The following CECR2 variants were observed in gnomAD, a reference collection of about 807,000 sequenced individuals.
CECR2 encodes the protein CECR2 histone acetyl-lysine reader, also known as chromatin remodeling regulator CECR2.
A neutral mutation model predicts 154.5 loss-of-function variants in CECR2; 30 were observed. The ratio of observed to expected loss-of-function variants is 0.19; its 90% CI spans 0.15 to 0.26. The LOEUF is 0.26. CECR2 is among the 10% of genes least tolerant of loss of function. CECR2 has a pLI of 1.00. For missense variants in CECR2, 1,743 were observed against 1,829.3 expected (o/e 0.95, Z 0.86); for synonymous variants, 725 against 683.7 (o/e 1.06, Z -0.94).
intron 2 of CECR2, among the ~76,000 whole-genome samples, chr22:17,494,782 C>T (rs1474229393): frequency 6.6e-6 from 1 of 152,132 alleles, no homozygotes; most frequent in African/African-American, 2.4e-5. Flanking sequence ...GCAAACTCTG[C>T]CTCCCAGGTT....
chr22:17,445,554 T>G (rs2054647040), intron 1 of CECR2, among the ~76,000 whole-genome samples: 2 of 132,808 alleles, frequency 1.5e-5, no homozygotes, highest in South Asian at 2.2e-4. Context: ...TTATTATTAT[T>G]ATTATTATTA....
intron 1 of CECR2, among the ~76,000 whole-genome samples, chr22:17,407,284 A>AGT (rs1383385536): frequency 1.3e-5 from 2 of 152,300 alleles, no homozygotes; most frequent in East Asian, 3.9e-4. Context: ...CTGGTGAATG[A>AGT]GAATACCGTA....
chr22:17,503,094 A>G lies in CECR2; in HGVS notation c.663A>G (p.Glu221=), dbSNP rs2055768404. ...TCCTGTGTTTCAGTGAAAAGCAGGA[A>G]GAAAATTCCTTGGCATCCGAGCCAC... ...QEEILLSEKQ[E]ENSLASEPQT... is the part of the protein sequence containing the mutation. Residue 221 remains glutamate (E), a synonymous_variant, in exon 6 of 19, where the codon GAA becomes GAG. Transcript: ENST00000262608. 1.2e-6 allele frequency: 2 copies of G among 1,611,488 alleles called. No homozygotes were observed. Among genetic ancestry groups the G allele is most frequent in the Admixed American group, 1.7e-5 (1 of 59,618 alleles).
chr22:17,540,619 A>C lies in CECR2; in HGVS notation c.1703A>C (p.Gln568Pro), dbSNP rs1395543657. Reference sequence around the variant, plus strand: ...CCAGAAGGGTCCAGCAGGAAACAGCAGCCCATGGAGAATGGAGGAAAGTCG... The same window carrying C: ...CCAGAAGGGTCCAGCAGGAAACAGCCGCCCATGGAGAATGGAGGAAAGTCG... ...RDPEGSSRKQQPMENGGKSLP... is the reference protein window; with the variant it reads ...RDPEGSSRKQPPMENGGKSLP... The change falls in exon 14 of 19, where the codon CAG becomes CCG. Residue 568 changes from glutamine to proline, a missense_variant. Gln to Pro is a moderately conservative substitution (Grantham distance 76). Coordinates refer to ENST00000262608, the MANE Select transcript of CECR2 (RefSeq NM_001290047.2). 3 of 1,613,758 alleles carry C rather than the reference A, an allele frequency of 1.9e-6. No individual in the cohort carries two copies. The highest frequency in any genetic ancestry group is 2.5e-6 in the Non-Finnish European group (3 of 1,179,852).
intron 1 of CECR2, among the ~76,000 whole-genome samples, chr22:17,449,359 C>G (rs2054729490): frequency 6.6e-6 from 1 of 152,060 alleles, no homozygotes; most frequent in Admixed American, 6.6e-5. Context: ...CCCAGACTCA[C>G]ACACCAGCTG....
intron 1 of CECR2, among the ~76,000 whole-genome samples, chr22:17,446,968 T>C (rs965987984): frequency 6.6e-5 from 10 of 151,720 alleles, no homozygotes; most frequent in African/African-American, 2.2e-4. Flanking sequence ...GTGTTTACAG[T>C]TCTTTAGCTA....
chr22:17,375,604 G>T (rs193020290), intron 1 of CECR2, among the ~76,000 whole-genome samples: 1 of 152,124 alleles, frequency 6.6e-6, no homozygotes, highest in African/African-American at 2.4e-5. Flanking sequence ...GATTGTTGCT[G>T]TTTAAAACAG....
chr22:17,372,183 C>T (rs1422648823), intron 1 of CECR2, among the ~76,000 whole-genome samples: 1 of 152,138 alleles, frequency 6.6e-6, no homozygotes, highest in African/African-American at 2.4e-5. Flanking sequence ...ACTATCCACA[C>T]TCGTTTTTAT....
intron 7 of CECR2, 56 bp from the exon 8 acceptor site, chr22:17,511,754 CAGT>C (rs1181371371): frequency 5.0e-5 from 71 of 1,416,900 alleles, no homozygotes; most frequent in Non-Finnish European, 6.3e-5. Flanking sequence ...GCAGCAGCAT[CAGT>C]AGTTGAGAAC....
chr22:17,471,011 G>C (rs1476536395), intron 1 of CECR2, among the ~76,000 whole-genome samples: 1 of 152,134 alleles, frequency 6.6e-6, no homozygotes, highest in South Asian at 2.1e-4. Flanking sequence ...GTATTCCAAA[G>C]CAGCTCTGAA....
rs73876448 is a variant in CECR2 at position 17,459,944 on chromosome 22, G to A, written c.127-17644G>A. Among the ~76,000 whole-genome samples the A allele has an allele frequency of 4.1e-3, 630 of 152,312 alleles. 4 individuals are homozygous for A. The highest frequency in any genetic ancestry group is 0.013 in the African/African-American group (537 of 41,546). On this transcript the variant is annotated intron_variant, in intron 1 of 18. Coordinates refer to ENST00000262608, the MANE Select transcript of CECR2 (RefSeq NM_001290047.2). The stretch of plus-strand genomic sequence containing the variant: ...AGGGCCACATGTATTTATACCAGTA[G>A]CAGCTTAGTATGTGCTGTGCGGGTG...
intron 7 of CECR2, among the ~76,000 whole-genome samples, chr22:17,505,534 C>CT (rs11387639): frequency 0.24 from 24,024 of 98,380 alleles, 3,492 homozygotes; most frequent in Non-Finnish European, 0.26. Flanking sequence ...CCTCTTTTTC[C>CT]TTTTTTTTTT....
intron 1 of CECR2, among the ~76,000 whole-genome samples, chr22:17,463,419 G>A (rs2054974960): frequency 6.6e-6 from 1 of 152,192 alleles, no homozygotes; most frequent in African/African-American, 2.4e-5. Context: ...GTTTGGTGAG[G>A]AAGCTTTTAA....
chr22:17,383,987 A>G (rs2063230993), intron 1 of CECR2, among the ~76,000 whole-genome samples: 1 of 151,838 alleles, frequency 6.6e-6, no homozygotes, highest in South Asian at 2.1e-4. Flanking sequence ...TCCACTTCTA[A>G]TTCTATTTCT....
intron 1 of CECR2, 81 bp downstream of exon 1, chr22:17,369,990 G>T (rs1164585599): frequency 2.6e-5 from 4 of 151,208 alleles, no homozygotes; most frequent in African/African-American, 7.3e-5. Flanking sequence ...GGGCCGTCGC[G>T]CAGAGGGGCC....
At position 17,555,598 on chromosome 22, in the gene CECR2, C is replaced by G. The variant is rs576339927; in HGVS notation, c.*2758C>G. 6.6e-6 allele frequency: 1 copy of G among 152,364 alleles called. No homozygotes were observed. The highest frequency in any genetic ancestry group is 2.1e-4 in the South Asian group (1 of 4,832). 9.4% of individuals were successfully genotyped at this position (152,364 alleles called of 1,614,324 possible). On this transcript the variant is annotated 3_prime_UTR_variant, in exon 19 of 19. Coordinates refer to ENST00000262608, the MANE Select transcript of CECR2 (RefSeq NM_001290047.2). Reference sequence around the variant, plus strand: ...CTCACCTTTTCTTCCTCCTCTAGCACTTCTCTTTCCAAGTGTCTTAAGCAG... The same window carrying G: ...CTCACCTTTTCTTCCTCCTCTAGCAGTTCTCTTTCCAAGTGTCTTAAGCAG...
Position 17,421,871 on chromosome 22 carries a change from CTT to C in CECR2, c.126+51975_126+51976del, listed in dbSNP as rs759630387. 7.1e-5 allele frequency among the ~76,000 whole-genome samples: 10 copies of C among 140,834 alleles called. No individual in the cohort carries two copies. In the East Asian group the frequency reaches 8.2e-4, roughly 12 times the overall value. 92.4% of individuals were successfully genotyped at this position (140,834 alleles called of 152,430 possible). A position where few individuals can be genotyped will look rare whatever the true frequency, so the allele number is the denominator to read the frequency against. On this transcript the variant is annotated intron_variant, in intron 1 of 18. Coordinates refer to ENST00000262608, the MANE Select transcript of CECR2 (RefSeq NM_001290047.2). Reference sequence around the variant, plus strand: ...CTACTAAAAAAAAAAACAAAAAAAACTTTTTTTTTTTTTTAAATTTCTTACAA... The same window carrying C: ...CTACTAAAAAAAAAAACAAAAAAAACTTTTTTTTTTTTAAATTTCTTACAA...
intron 7 of CECR2, among the ~76,000 whole-genome samples, chr22:17,510,825 T>C (rs958707684): frequency 6.6e-6 from 1 of 152,154 alleles, no homozygotes; most frequent in African/African-American, 2.4e-5. Flanking sequence ...CAGGATGGTC[T>C]TGATCTCCTG....
At chr22:17,534,317 A>G (rs1157434394) in intron 9 of CECR2, among the ~76,000 whole-genome samples, 1 of 152,156 alleles carries the variant, frequency 6.6e-6, no homozygotes, top group South Asian at 2.1e-4. Context: ...GGGAGAGAAC[A>G]GTGGTACCAG....
Sources: allele counts gnomAD v4.1 joint callset (sites outside exome capture counted in the v4.1 genomes callset), GRCh38; gene constraint gnomAD v4.1.1; transcripts MANE v1.5; gene names NCBI Gene and HGNC (gene_info 2026-07-23, HGNC 2026-07-21).